The following STXBP5L variants were observed in gnomAD, a reference collection of about 807,000 sequenced individuals.
The protein encoded by STXBP5L is syntaxin binding protein 5L.
In STXBP5L, 65 loss-of-function variants were observed where a neutral mutation model predicts 144.5. That is an observed-to-expected ratio of 0.45 (90% CI 0.37 to 0.55). The LOEUF (loss-of-function observed/expected upper bound fraction) is 0.55, where lower values mean the gene tolerates loss of function less well. Ranked by LOEUF, STXBP5L falls within the 20% of genes least tolerant of loss-of-function variation. STXBP5L has a pLI of 0.00. For missense variants in STXBP5L, 1,298 were observed against 1,405.5 expected (o/e 0.92, Z 1.22); for synonymous variants, 505 against 469.6 (o/e 1.08, Z -0.97).
intron 3 of STXBP5L, among the ~76,000 whole-genome samples, chr3:120,965,056 G>A (rs893316873): frequency 6.6e-6 from 1 of 151,988 alleles, no homozygotes; most frequent in African/African-American, 2.4e-5. Flanking sequence ...GATCTTTGTT[G>A]GTTTAAAGTC....
intron 9 of STXBP5L, among the ~76,000 whole-genome samples, chr3:121,179,967 G>A (rs964345763): frequency 1.3e-5 from 2 of 152,040 alleles, no homozygotes; most frequent in Non-Finnish European, 2.9e-5. Context: ...AAGAATAATT[G>A]GTGTTCCTGA....
At chr3:120,950,199 G>T (rs1263546030) in intron 2 of STXBP5L, among the ~76,000 whole-genome samples, 1 of 151,910 alleles carries the variant, frequency 6.6e-6, no homozygotes, top group African/African-American at 2.4e-5. Context: ...TTTTGTGTAT[G>T]TTATAAGTAA....
intron 5 of STXBP5L, among the ~76,000 whole-genome samples, chr3:121,052,216 C>G (rs535990259): frequency 6.6e-6 from 1 of 152,188 alleles, no homozygotes; most frequent in South Asian, 2.1e-4. Context: ...AGGGAATCCT[C>G]CCTAACTCAT....
chr3:121,261,137 A>G (rs2050370301), intron 18 of STXBP5L, among the ~76,000 whole-genome samples: 1 of 152,170 alleles, frequency 6.6e-6, no homozygotes, highest in South Asian at 2.1e-4. Context: ...AAGATGTGTC[A>G]CCTGGTTCAG....
chr3:121,071,126 T>C (rs762063003), intron 5 of STXBP5L, among the ~76,000 whole-genome samples: 34 of 152,164 alleles, frequency 2.2e-4, no homozygotes, highest in Non-Finnish European at 4.6e-4. Context: ...TCCCCAATTA[T>C]AACCATAGGT....
intron 5 of STXBP5L, among the ~76,000 whole-genome samples, chr3:121,047,397 G>GA (rs1947592329): frequency 6.6e-6 from 1 of 152,078 alleles, no homozygotes; most frequent in African/African-American, 2.4e-5. Context: ...TTTAGATCCT[G>GA]AAAATCTTTG....
chr3:121,233,468 T>C (rs1258537155), intron 11 of STXBP5L, 148 bp from the exon 12 acceptor site: 8 of 497,550 alleles, frequency 1.6e-5, no homozygotes, highest in Non-Finnish European at 2.1e-5. Context: ...TTTTTTTAAG[T>C]GCTCTTTGTT....
chr3:121,086,147 A>T (rs1307429167), intron 5 of STXBP5L, among the ~76,000 whole-genome samples: 2 of 152,188 alleles, frequency 1.3e-5, no homozygotes, highest in Non-Finnish European at 2.9e-5. Context: ...CTTATACCTT[A>T]TAGAAAAATT....
At chr3:120,951,367 A>G (rs1319280328) in intron 2 of STXBP5L, among the ~76,000 whole-genome samples, 2 of 152,182 alleles carry the variant, frequency 1.3e-5, no homozygotes, top group African/African-American at 4.8e-5. Flanking sequence ...TGAACAGGCA[A>G]CCCACAAAAA....
chr3:121,393,241 C>A (rs1487191801), intron 22 of STXBP5L, among the ~76,000 whole-genome samples: 1 of 150,076 alleles, frequency 6.7e-6, no homozygotes, highest in African/African-American at 2.5e-5. Context: ...TTGAAAAGTG[C>A]CTGTTCATGT....
chr3:121,210,227 G>T (rs1362490202), intron 10 of STXBP5L, among the ~76,000 whole-genome samples: 2 of 152,172 alleles, frequency 1.3e-5, no homozygotes, highest in Admixed American at 6.5e-5. Flanking sequence ...CTGCATAAAT[G>T]TCTTCTTTTG....
intron 5 of STXBP5L, among the ~76,000 whole-genome samples, chr3:121,093,319 A>G (rs541716274): frequency 1.6e-4 from 24 of 152,026 alleles, no homozygotes; most frequent in Non-Finnish European, 2.8e-4. Flanking sequence ...CTCTTTTTCT[A>G]TTGATTGGAA....
At position 120,908,328 on chromosome 3, in the gene STXBP5L, G is replaced by A. The variant is rs367927484; in HGVS notation, c.-15G>A. On this transcript the variant is annotated 5_prime_UTR_variant, in exon 1 of 27. Coordinates refer to ENST00000471454, the MANE Select transcript of STXBP5L (RefSeq NM_001308330.2). The stretch of plus-strand genomic sequence containing the variant: ...GGCTGGCAGGCGGCTAGAGGCGTCT[G>A]AGGAAGGTGCCTAAGTCCTGGGTCA... 8 of 152,574 alleles carry A rather than the reference G, an allele frequency of 5.2e-5. No homozygotes were observed. Among genetic ancestry groups the A allele is most frequent in the Admixed American group, 2.0e-4 (3 of 15,314 alleles). The allele number at this position is 152,574 out of a possible 1,614,324, so 9.5% of individuals were successfully genotyped here.
At chr3:121,136,737 A>G (rs2045272990) in intron 7 of STXBP5L, among the ~76,000 whole-genome samples, 1 of 152,212 alleles carries the variant, frequency 6.6e-6, no homozygotes, top group Non-Finnish European at 1.5e-5. Flanking sequence ...ATATATAGCC[A>G]AAGAAATTAT....
At chr3:120,977,530 T>G (rs1015810092) in intron 3 of STXBP5L, among the ~76,000 whole-genome samples, 1 of 152,212 alleles carries the variant, frequency 6.6e-6, no homozygotes, top group Non-Finnish European at 1.5e-5. Context: ...AATTGTAGCA[T>G]TTAGTCCTTT....
chr3:121,288,628 CAT>C (rs762713982), intron 19 of STXBP5L, among the ~76,000 whole-genome samples: 13 of 152,120 alleles, frequency 8.5e-5, no homozygotes, highest in Non-Finnish European at 1.3e-4. Flanking sequence ...TTGTTGGAAT[CAT>C]GTGTGTCTTC....
At chr3:121,249,571 G>T (rs2049967122) in intron 14 of STXBP5L, among the ~76,000 whole-genome samples, 1 of 152,072 alleles carries the variant, frequency 6.6e-6, no homozygotes, top group Non-Finnish European at 1.5e-5. Flanking sequence ...AATCATTTAT[G>T]AGTTCCAGTA....
chr3:120,943,435 A>T (rs562361522), intron 2 of STXBP5L, among the ~76,000 whole-genome samples: 4 of 151,774 alleles, frequency 2.6e-5, no homozygotes, highest in African/African-American at 9.6e-5. Flanking sequence ...GGTCTGGAAA[A>T]CTCAAAATTT....
intron 22 of STXBP5L, among the ~76,000 whole-genome samples, chr3:121,383,389 T>C (rs543173425): frequency 6.6e-6 from 1 of 152,054 alleles, no homozygotes; most frequent in African/African-American, 2.4e-5. Context: ...AGAGTGAGAC[T>C]CCATCTCAAT....
Sources: allele counts gnomAD v4.1 joint callset (sites outside exome capture counted in the v4.1 genomes callset), GRCh38; gene constraint gnomAD v4.1.1; transcripts MANE v1.5; gene names NCBI Gene and HGNC (gene_info 2026-07-23, HGNC 2026-07-21).